GRIK2: variants seen among roughly 807,000 people sequenced by gnomAD.
GRIK2 encodes the protein glutamate receptor ionotropic, kainate 2.
Under a neutral mutation model 100.3 loss-of-function variants are expected in GRIK2, and 32 were observed. The ratio of observed to expected loss-of-function variants is 0.32; its 90% CI spans 0.24 to 0.43. The LOEUF (loss-of-function observed/expected upper bound fraction) is 0.43, where lower values mean the gene tolerates loss of function less well. Ranked by LOEUF, GRIK2 falls within the 20% of genes least tolerant of loss-of-function variation. The pLI is 1.00. For synonymous variants in GRIK2, 417 were observed against 389.4 expected (o/e 1.07, Z -0.83); for missense variants, 843 against 1,114.9 (o/e 0.76, Z 3.47).
intron 9 of GRIK2, among the ~76,000 whole-genome samples, chr6:101,811,666 G>A (rs1453492841): frequency 1.3e-5 from 2 of 151,818 alleles, no homozygotes; most frequent in Non-Finnish European, 2.9e-5. Context: ...GTGTGACATT[G>A]ATCCGGTGTA....
intron 2 of GRIK2, among the ~76,000 whole-genome samples, chr6:101,486,943 G>T: frequency 6.8e-6 from 1 of 146,478 alleles, no homozygotes; most frequent in East Asian, 1.9e-4. Flanking sequence ...TTTGAAATCG[G>T]GAACTATGGA....
chr6:101,933,478 T>C (rs1790416481), intron 14 of GRIK2, among the ~76,000 whole-genome samples: 1 of 151,950 alleles, frequency 6.6e-6, no homozygotes, highest in South Asian at 2.1e-4. Flanking sequence ...TCCAAAAGAT[T>C]ATTAGTTCAT....
chr6:101,630,086 G>C (rs1004507619), intron 4 of GRIK2, among the ~76,000 whole-genome samples: 1 of 152,038 alleles, frequency 6.6e-6, no homozygotes, highest in Non-Finnish European at 1.5e-5. Flanking sequence ...TGGTGTATAT[G>C]TACCACATTT....
intron 12 of GRIK2, among the ~76,000 whole-genome samples, chr6:101,912,961 A>G (rs1346726880): frequency 6.6e-6 from 1 of 151,546 alleles, no homozygotes; most frequent in Non-Finnish European, 1.5e-5. Flanking sequence ...TTTATTTTTC[A>G]GAAAAATATG....
intron 2 of GRIK2, among the ~76,000 whole-genome samples, chr6:101,528,830 A>T (rs1300193500): frequency 2.0e-5 from 3 of 152,124 alleles, no homozygotes; most frequent in Non-Finnish European, 2.9e-5. Context: ...CATTCCCTAT[A>T]TGCAGTACAT....
chr6:101,404,191 T>C (rs1050916143), intron 2 of GRIK2, among the ~76,000 whole-genome samples: 14 of 152,196 alleles, frequency 9.2e-5, no homozygotes, highest in African/African-American at 3.4e-4. Context: ...CATTACGATG[T>C]GTTCATTCCT....
intron 14 of GRIK2, among the ~76,000 whole-genome samples, chr6:101,974,881 A>AGAT (rs954876906): frequency 6.6e-6 from 1 of 152,006 alleles, no homozygotes; most frequent in Non-Finnish European, 1.5e-5. Flanking sequence ...GGGAAGCTCA[A>AGAT]GATAGGTTTT....
At chr6:101,572,818 A>G (rs199954435) in intron 2 of GRIK2, among the ~76,000 whole-genome samples, 3,901 of 26,644 alleles carry the variant, frequency 0.15, 188 homozygotes, top group African/African-American at 0.32. Context: ...GTTGTTTATT[A>G]TTTATTTATT....
intron 4 of GRIK2, among the ~76,000 whole-genome samples, chr6:101,634,407 C>T (rs1297816691): frequency 1.3e-5 from 2 of 152,024 alleles, no homozygotes; most frequent in Non-Finnish European, 2.9e-5. Flanking sequence ...TGCTTCTTAA[C>T]ATATGAAGTT....
At position 101,686,104 on chromosome 6, in the gene GRIK2, AAG is replaced by A. The variant is rs368445254; in HGVS notation, c.778-75_778-74del. ...TTAAGTGACCTAAAAAAAACAAAAA[AAG>A]TGACTATTTCAGTAATACATGCCTG... On this transcript the variant is annotated intron_variant, in intron 6 of 16. Coordinates refer to ENST00000369134, the MANE Select transcript of GRIK2 (RefSeq NM_021956.5). 4 of 1,261,426 alleles carry A rather than the reference AAG, an allele frequency of 3.2e-6. No homozygotes were observed. In the African/African-American group the frequency reaches 6.0e-5, roughly 19 times the overall value. The allele number at this position is 1,261,426 out of a possible 1,614,324, so 78.1% of individuals were successfully genotyped here. A position where few individuals can be genotyped will look rare whatever the true frequency, so the allele number is the denominator to read the frequency against.
chr6:101,722,502 G>A (rs1012652677), intron 7 of GRIK2, among the ~76,000 whole-genome samples: 2 of 151,896 alleles, frequency 1.3e-5, no homozygotes, highest in Admixed American at 1.3e-4. Context: ...TATAAATACG[G>A]TAAATAGATC....
intron 4 of GRIK2, among the ~76,000 whole-genome samples, chr6:101,627,640 T>A (rs1000113428): frequency 6.6e-6 from 1 of 152,170 alleles, no homozygotes; most frequent in African/African-American, 2.4e-5. Context: ...TAGAAAAGTT[T>A]TTACTCATAT....
intron 7 of GRIK2, among the ~76,000 whole-genome samples, chr6:101,746,913 A>G (rs1776454069): frequency 6.6e-6 from 1 of 152,142 alleles, no homozygotes; most frequent in South Asian, 2.1e-4. Context: ...TCTCCTATGA[A>G]TGCTTTGGGA....
At chr6:101,473,958 A>C (rs35713918) in intron 2 of GRIK2, among the ~76,000 whole-genome samples, 2 of 151,852 alleles carry the variant, frequency 1.3e-5, no homozygotes, top group Non-Finnish European at 2.9e-5. Context: ...TATGATTTTT[A>C]AAAAACCTGC....
chr6:101,688,569 C>G (rs929317456), intron 7 of GRIK2, among the ~76,000 whole-genome samples: 5 of 151,896 alleles, frequency 3.3e-5, no homozygotes, highest in African/African-American at 9.7e-5. Context: ...TTTGCATTCT[C>G]TCTTTCTAGC....
rs552216328 is a variant in GRIK2 at position 101,605,286 on chromosome 6, A to T, written c.116-16663A>T. 2.6e-5 allele frequency among the ~76,000 whole-genome samples: 4 copies of T among 152,136 alleles called. No homozygotes were observed. The South Asian group carries it at 6.2e-4, about 24-fold the overall frequency. ...TTACTCATCTGAAAAATGGATCAGTACTGATACTTTCCTTACCCAGTGGTG... is the reference window on the plus strand; with the variant it reads ...TTACTCATCTGAAAAATGGATCAGTTCTGATACTTTCCTTACCCAGTGGTG... On this transcript the variant is annotated intron_variant, in intron 2 of 16. Transcript: ENST00000369134.
At chr6:101,962,867 C>G (rs536319185) in intron 14 of GRIK2, among the ~76,000 whole-genome samples, 1 of 151,798 alleles carries the variant, frequency 6.6e-6, no homozygotes, top group South Asian at 2.1e-4. Flanking sequence ...TTCTGTATAG[C>G]CTCTCTGTCT....
chr6:101,596,587 G>C (rs949961826), intron 2 of GRIK2, among the ~76,000 whole-genome samples: 1 of 151,670 alleles, frequency 6.6e-6, no homozygotes, highest in Middle Eastern at 3.2e-3. Context: ...GTGTCTATGG[G>C]AAGTGGGCTT....
chr6:102,045,674 T>A (rs771406299), intron 15 of GRIK2, among the ~76,000 whole-genome samples: 13 of 152,014 alleles, frequency 8.6e-5, no homozygotes, highest in Admixed American at 7.9e-4. Flanking sequence ...ACAATCATAA[T>A]AAACAACCCC....
Sources: allele counts gnomAD v4.1 joint callset (sites outside exome capture counted in the v4.1 genomes callset), GRCh38; gene constraint gnomAD v4.1.1; transcripts MANE v1.5; gene names NCBI Gene and HGNC (gene_info 2026-07-23, HGNC 2026-07-21).